Variants in ARHGEF33 observed in about 807,000 individuals in gnomAD.
ARHGEF33 encodes the protein Rho guanine nucleotide exchange factor 33.
Under a neutral mutation model 101.9 loss-of-function variants are expected in ARHGEF33, and 72 were observed. The ratio of observed to expected loss-of-function variants is 0.71; its 90% confidence interval spans 0.58 to 0.86. The LOEUF (loss-of-function observed/expected upper bound fraction) is 0.86, where lower values mean the gene tolerates loss of function less well. Among genes scored for constraint, ARHGEF33 ranks in the 40% least tolerant of loss-of-function variants. The pLI, the probability that ARHGEF33 is intolerant of heterozygous loss-of-function variation, is 0.00. For missense variants in ARHGEF33, 1,169 were observed against 1,111.3 expected, an observed-to-expected ratio of 1.05 and a Z score of -0.74; for synonymous variants, 499 against 442.5, an observed-to-expected ratio of 1.13 and a Z score of -1.60.
chr2:38,966,754 G>A (rs1668060740), intron 17 of ARHGEF33, among the ~76,000 whole-genome samples: 1 of 152,214 alleles, frequency 6.6e-6, no homozygotes, highest in Admixed American at 6.5e-5. Context: ...CTAAGTCGTT[G>A]TTGTGTAAAA....
Position 38,960,058 on chromosome 2 carries a change from G to C in ARHGEF33, c.1753G>C (p.Ala585Pro), listed in dbSNP as rs1039082608. ...GGAGATGGACTTCGAGTCCTCTCCG[G>C]CGGAGCCGCTGGGCAACGTGGAGCG... ...IPEMDFESSPAEPLGNVERSL... is the reference protein window; with the variant it reads ...IPEMDFESSPPEPLGNVERSL... Residue 585 changes from alanine (A) to proline (P), a missense_variant, in exon 16 of 18, where the codon GCG becomes CCG. Physicochemically the swap from Ala to Pro is conservative, Grantham distance 27 (BLOSUM62 -1). Transcript: ENST00000409978. 3.9e-6 allele frequency: 6 copies of C among 1,542,260 alleles called. No individual in the cohort carries two copies. Among genetic ancestry groups the C allele is most frequent in the Non-Finnish European group, 5.3e-6 (6 of 1,142,836 alleles).
intron 9 of ARHGEF33, among the ~76,000 whole-genome samples, chr2:38,943,134 G>A (rs1410718713): frequency 6.6e-6 from 1 of 152,128 alleles, no homozygotes; most frequent in African/African-American, 2.4e-5. Flanking sequence ...CGCCATGTTA[G>A]CCAGGCTGGT....
At chr2:38,961,755 A>G (rs1281871485) in intron 16 of ARHGEF33, among the ~76,000 whole-genome samples, 2 of 152,054 alleles carry the variant, frequency 1.3e-5, no homozygotes, top group Non-Finnish European at 2.9e-5. Context: ...TATGTAATAA[A>G]CTGTGGGAGC....
In ARHGEF33 at chr2:38,959,995, G is replaced by A; in HGVS notation, c.1690G>A (p.Asp564Asn). The A allele has an allele frequency of 6.5e-7, 1 of 1,550,344 alleles. No individual in the cohort carries two copies. The highest frequency in any genetic ancestry group is 8.7e-7 in the Non-Finnish European group (1 of 1,146,460). The change falls in exon 16 of 18, where the codon GAC becomes AAC. Residue 564 changes from aspartate (D) to asparagine (N), a missense_variant. Asp to Asn is a conservative substitution (Grantham distance 23). Coordinates refer to ENST00000409978, the MANE Select transcript of ARHGEF33 (RefSeq NM_001145451.5). The stretch of plus-strand genomic sequence containing the variant: ...GACGCAGTTCTGCGCGGCCGAGCAG[G>A]ACGTGAAGGCGCTGGCCGGGCCCCT... ...APTQFCAAEQ[D>N]VKALAGPLQA...
intron 2 of ARHGEF33, among the ~76,000 whole-genome samples, chr2:38,910,721 T>G (rs940883551): frequency 6.6e-6 from 1 of 152,234 alleles, no homozygotes; most frequent in South Asian, 2.1e-4. Flanking sequence ...TCTCAATCTC[T>G]TTCTCTCATC....
At chr2:38,943,152 T>C (rs1219389262) in intron 9 of ARHGEF33, among the ~76,000 whole-genome samples, 1 of 152,194 alleles carries the variant, frequency 6.6e-6, no homozygotes, top group Non-Finnish European at 1.5e-5. Context: ...GGTCTCGAAC[T>C]CCTGACCTCA....
At chr2:38,957,812 C>T (rs1667807682) in intron 14 of ARHGEF33, 2 of 539,454 alleles carry the variant, frequency 3.7e-6, no homozygotes, top group Non-Finnish European at 3.3e-6. Flanking sequence ...ATACCCCCAA[C>T]CCCTTCCCCC....
At chr2:38,917,128 G>A (rs903066568) in intron 2 of ARHGEF33, among the ~76,000 whole-genome samples, 10 of 90,164 alleles carry the variant, frequency 1.1e-4, no homozygotes, top group Non-Finnish European at 1.9e-4. Context: ...GTCTCACTAC[G>A]TCACCTAGGC....
chr2:38,920,398 C>CTTT (rs61429948), intron 3 of ARHGEF33, among the ~76,000 whole-genome samples: 6 of 77,822 alleles, frequency 7.7e-5, no homozygotes, highest in Admixed American at 1.7e-4. Context: ...TCTTTCTTTC[C>CTTT]TTTTTTTTTT....
At chr2:38,927,773 CAT>C (rs1468478330) in intron 4 of ARHGEF33, among the ~76,000 whole-genome samples, 8 of 152,200 alleles carry the variant, frequency 5.3e-5, no homozygotes, top group African/African-American at 1.7e-4. Flanking sequence ...TTTAAAGAGA[CAT>C]GTGGAGCTAA....
chr2:38,932,257 C>T (rs1174288056), intron 7 of ARHGEF33, among the ~76,000 whole-genome samples: 1 of 151,992 alleles, frequency 6.6e-6, no homozygotes, highest in Non-Finnish European at 1.5e-5. Context: ...GCCTCCCAAG[C>T]AGCTGGGTCT....
In ARHGEF33 at chr2:38,958,130, C is replaced by T. The variant is rs909644541; in HGVS notation, c.1467C>T (p.Asp489=). The T allele has an allele frequency of 1.3e-6, 2 of 1,551,984 alleles. No homozygotes were observed. The highest frequency in any genetic ancestry group is 1.7e-6 in the Non-Finnish European group (2 of 1,147,068). The change falls in exon 15 of 18, where the codon GAC becomes GAT. Residue 489 remains aspartate (D), a synonymous_variant. Coordinates refer to ENST00000409978, the MANE Select transcript of ARHGEF33 (RefSeq NM_001145451.5). ...SPTAGPEAVR[D]TGIHSEELLQ... is the part of the protein sequence containing the mutation. ...CTGCAGGTCCTGAGGCTGTCCGTGA[C>T]ACTGGGATCCACTCAGAAGAGTTGC...
intron 2 of ARHGEF33, among the ~76,000 whole-genome samples, chr2:38,913,137 A>G (rs1361942984): frequency 6.6e-6 from 1 of 152,042 alleles, no homozygotes; most frequent in Non-Finnish European, 1.5e-5. Flanking sequence ...ACTGGGCTCA[A>G]ATGATCCTTC....
intron 15 of ARHGEF33, among the ~76,000 whole-genome samples, chr2:38,958,495 T>A (rs1178569679): frequency 6.6e-6 from 1 of 152,188 alleles, no homozygotes; most frequent in Non-Finnish European, 1.5e-5. Flanking sequence ...AGCCAAAATA[T>A]GAAACCCCTA....
chr2:38,942,670 A>T (rs918924495), intron 9 of ARHGEF33, among the ~76,000 whole-genome samples: 1 of 152,062 alleles, frequency 6.6e-6, no homozygotes, highest in Non-Finnish European at 1.5e-5. Context: ...AAGATTAAAA[A>T]TTTTTATTCT....
In ARHGEF33 at chr2:38,929,770, A is replaced by T. The variant is rs1180163858; in HGVS notation, c.302A>T (p.Gln101Leu). Residue 101 changes from glutamine (Q) to leucine (L), a missense_variant, in exon 6 of 18, where the codon CAA (glutamine) becomes CTA (leucine). By Grantham distance (113) the Gln-to-Leu change is moderately radical. Transcript: ENST00000409978. ...ATCACTTCCAAACAAGAAGAAATGCAACAGAAAATCGAGCAGCTTCAACAG... is the reference window on the plus strand; with the variant it reads ...ATCACTTCCAAACAAGAAGAAATGCTACAGAAAATCGAGCAGCTTCAACAG... ...QAITSKQEEMQQKIEQLQQEK... is the reference protein window; with the variant it reads ...QAITSKQEEMLQKIEQLQQEK... 1 of 1,551,808 alleles carries T rather than the reference A, an allele frequency of 6.4e-7. No individual in the cohort carries two copies. The highest frequency in any genetic ancestry group is 8.7e-7 in the Non-Finnish European group (1 of 1,146,914).
chr2:38,931,098 C>A lies in ARHGEF33; in HGVS notation c.363-11C>A. On this transcript the variant is annotated splice_polypyrimidine_tract_variant and intron_variant, in intron 6 of 17. Coordinates refer to ENST00000409978, the MANE Select transcript of ARHGEF33 (RefSeq NM_001145451.5). ...AACCAGAATAGCCTTGTCTTTGTTT[C>A]TCTTTCCTAGGAAAACTCAAAAAGA... 1 of 1,540,052 alleles carries A rather than the reference C, an allele frequency of 6.5e-7. No homozygotes were observed. The highest frequency in any genetic ancestry group is 8.7e-7 in the Non-Finnish European group (1 of 1,143,510).
At chr2:38,968,760 A>C (rs1037065918) in intron 17 of ARHGEF33, among the ~76,000 whole-genome samples, 2 of 152,212 alleles carry the variant, frequency 1.3e-5, no homozygotes, top group African/African-American at 2.4e-5. Flanking sequence ...GCCACAAAGA[A>C]GACTGTCTGT....
chr2:38,919,622 G>A, intron 3 of ARHGEF33, 150 bp downstream of exon 3: 1 of 891,274 alleles, frequency 1.1e-6, no homozygotes, highest in East Asian at 2.7e-5. Flanking sequence ...TATAGACTGG[G>A]TGCTGAAAAA....
Sources: allele counts gnomAD v4.1 joint callset (sites outside exome capture counted in the v4.1 genomes callset), GRCh38; gene constraint gnomAD v4.1.1; transcripts MANE v1.5; gene names NCBI Gene and HGNC (gene_info 2026-07-23, HGNC 2026-07-21).